ZMYND8: variants seen among roughly 807,000 people sequenced by gnomAD.
The protein encoded by ZMYND8 is zinc finger MYND-type containing 8.
ZMYND8 carries 37 observed loss-of-function variants against 140.8 expected under a neutral mutation model. That is an observed-to-expected ratio of 0.26 (90% CI 0.20 to 0.35). ZMYND8 has a LOEUF of 0.35. ZMYND8 is among the 10% of genes least tolerant of loss of function. The probability of loss-of-function intolerance (pLI) is 1.00; values close to 1 mark genes in which losing one functional copy is unlikely to be tolerated. For synonymous variants in ZMYND8, 592 were observed against 597.1 expected (o/e 0.99, Z 0.12); for missense variants, 1,068 against 1,570.0 (o/e 0.68, Z 5.40).
At chr20:47,257,145 T>G (rs922441156) in intron 12 of ZMYND8, among the ~76,000 whole-genome samples, 1 of 152,124 alleles carries the variant, frequency 6.6e-6, no homozygotes, top group African/African-American at 2.4e-5. Flanking sequence ...CCTTGTTTTT[T>G]AGTGAGGAGA....
In ZMYND8 at chr20:47,271,791, C is replaced by A. The variant is rs965653118; in HGVS notation, c.1480+4523G>T. ...CCACCTCCCGGGTTCAAGTGATTCT[C>A]CTGCCTCAGCCTCCTGTGTAGTTGG... On this transcript the variant is annotated intron_variant, in intron 11 of 22. Coordinates refer to ENST00000471951, the MANE Select transcript of ZMYND8 (RefSeq NM_001281775.3). Among the ~76,000 whole-genome samples, 8 of 152,234 alleles carry A rather than the reference C, an allele frequency of 5.3e-5. No homozygotes were observed. The East Asian group carries it at 1.6e-3, about 30-fold the overall frequency.
In ZMYND8 at chr20:47,209,312, G is replaced by A. The variant is rs937409587; in HGVS notation, c.*1449C>T. On this transcript the variant is annotated 3_prime_UTR_variant, in exon 23 of 23. Transcript: ENST00000471951. ...GGGCAAACCCAAAAAAGCATATAGTGTGAGTCTACTGGCTCAGTCACAAAG... is the reference window on the plus strand; with the variant it reads ...GGGCAAACCCAAAAAAGCATATAGTATGAGTCTACTGGCTCAGTCACAAAG... 5 of 152,152 alleles carry A rather than the reference G, an allele frequency of 3.3e-5. No homozygotes were observed. The highest frequency in any genetic ancestry group is 1.2e-4 in the African/African-American group (5 of 41,428). The allele number at this position is 152,152 out of a possible 1,614,324, so 9.4% of individuals were successfully genotyped here.
intron 2 of ZMYND8, among the ~76,000 whole-genome samples, chr20:47,316,937 T>C (rs1222357320): frequency 6.6e-6 from 1 of 152,150 alleles, no homozygotes; most frequent in Non-Finnish European, 1.5e-5. Flanking sequence ...TGCTGGGATT[T>C]GAACCCAGGC....
chr20:47,292,410 T>C (rs2077320670), intron 5 of ZMYND8, among the ~76,000 whole-genome samples: 1 of 151,656 alleles, frequency 6.6e-6, no homozygotes, highest in Non-Finnish European at 1.5e-5. Context: ...ATAAAAATTA[T>C]ACCATAGCAA....
intron 2 of ZMYND8, among the ~76,000 whole-genome samples, chr20:47,327,433 C>T (rs923752745): frequency 1.3e-5 from 2 of 151,884 alleles, no homozygotes; most frequent in Admixed American, 1.3e-4. Context: ...GCAGGCAGAT[C>T]GTTTGAAGTC....
At chr20:47,346,756 G>A (rs1434042778) in intron 2 of ZMYND8, among the ~76,000 whole-genome samples, 1 of 152,182 alleles carries the variant, frequency 6.6e-6, no homozygotes, top group Non-Finnish European at 1.5e-5. Context: ...ACAGGCGCGT[G>A]CCACCATGCC....
At chr20:47,267,061 A>G (rs978279232) in intron 11 of ZMYND8, among the ~76,000 whole-genome samples, 2 of 152,232 alleles carry the variant, frequency 1.3e-5, no homozygotes. Flanking sequence ...TTACCGAGCC[A>G]TAAAAGGAAT....
intron 16 of ZMYND8, among the ~76,000 whole-genome samples, 170 bp downstream of exon 16, chr20:47,236,155 GT>G (rs1169841516): frequency 6.6e-6 from 1 of 152,146 alleles, no homozygotes; most frequent in Non-Finnish European, 1.5e-5. Context: ...ACATTTCTCT[GT>G]TAGACCCAAA....
At chr20:47,257,692 CACAT>C (rs1325008659) in intron 12 of ZMYND8, among the ~76,000 whole-genome samples, 1 of 152,042 alleles carries the variant, frequency 6.6e-6, no homozygotes, top group Non-Finnish European at 1.5e-5. Context: ...ACCATATACA[CACAT>C]ACATATACTA....
intron 11 of ZMYND8, among the ~76,000 whole-genome samples, chr20:47,272,879 G>A (rs889924447): frequency 5.3e-5 from 8 of 152,102 alleles, no homozygotes; most frequent in Admixed American, 2.0e-4. Context: ...CACGATTTTG[G>A]GTGAACTACT....
In ZMYND8 at chr20:47,246,045, A is replaced by C. The variant is rs750904130; in HGVS notation, c.2247T>G (p.Asn749Lys). The C allele has an allele frequency of 5.0e-6, 8 of 1,605,768 alleles. No homozygotes were observed. The highest frequency in any genetic ancestry group is 2.7e-5 in the African/African-American group (2 of 74,230). ...GAGATGGTTCTTTGGGTTCCTTCTT[A>C]TTTTTTCGACCCTCCCGCCCAGAAT... ...EDHSGREGRK[N>K]KKEPKEPSPK... Residue 749 changes from asparagine to lysine, a missense_variant, in exon 14 of 23, where the codon AAT becomes AAG. Around this residue, in one of 10 missense-constraint regions of ZMYND8, gnomAD observed 383 missense variants for 431.2 expected, o/e 0.89. Transcript: ENST00000471951.
At chr20:47,332,029 C>A (rs188399452) in intron 2 of ZMYND8, among the ~76,000 whole-genome samples, 1 of 152,152 alleles carries the variant, frequency 6.6e-6, no homozygotes, top group Non-Finnish European at 1.5e-5. Flanking sequence ...TGGTGAAACC[C>A]CGTCTCTACT....
At chr20:47,241,371 G>A (rs1043870704) in intron 14 of ZMYND8, among the ~76,000 whole-genome samples, 2 of 150,548 alleles carry the variant, frequency 1.3e-5, no homozygotes, top group African/African-American at 4.9e-5. Context: ...GAACGGGAAA[G>A]ACAATGAATG....
At position 47,291,847 on chromosome 20, in the gene ZMYND8, A is replaced by G. The variant is rs773160768; in HGVS notation, c.609T>C (p.Pro203=). 2.5e-6 allele frequency: 4 copies of G among 1,613,360 alleles called. No individual in the cohort carries two copies. The African/African-American group carries it at 5.3e-5, about 22-fold the overall frequency. Residue 203 remains proline, a synonymous_variant, in exon 6 of 23, where the codon CCT becomes CCC. Transcript: ENST00000471951. Reference sequence around the variant, plus strand: ...GATGGAAGATGTATTCCGCATAGTCAGGGTGCTGTTCCAATGGAACGGGCT... The same window carrying G: ...GATGGAAGATGTATTCCGCATAGTCGGGGTGCTGTTCCAATGGAACGGGCT... ...FQKPVPLEQH[P]DYAEYIFHPM...
At chr20:47,348,666 G>A (rs2082533837) in intron 1 of ZMYND8, 1 of 152,224 alleles carries the variant, frequency 6.6e-6, no homozygotes, top group Admixed American at 6.5e-5. Flanking sequence ...GAGGGTTGGG[G>A]AGAGAAGCAA....
At chr20:47,249,540 TGGGGGA>T in intron 12 of ZMYND8, 101 bp from the exon 13 acceptor site, 1 of 1,483,320 alleles carries the variant, frequency 6.7e-7, no homozygotes, top group Non-Finnish European at 9.1e-7. Flanking sequence ...TTTTAGAACA[TGGGGGA>T]GGGGGAGATA....
chr20:47,321,564 A>C (rs2079954484), intron 2 of ZMYND8, among the ~76,000 whole-genome samples: 1 of 152,244 alleles, frequency 6.6e-6, no homozygotes, highest in Non-Finnish European at 1.5e-5. Context: ...ATGTGTAAAC[A>C]CACCACCCAC....
At chr20:47,276,046 G>A (rs918223802) in intron 11 of ZMYND8, among the ~76,000 whole-genome samples, 3 of 152,126 alleles carry the variant, frequency 2.0e-5, no homozygotes, top group South Asian at 2.1e-4. Flanking sequence ...AAAATGCAGC[G>A]ACATCTGAAC....
chr20:47,245,914 G>C (rs1568976290), intron 14 of ZMYND8, 94 bp downstream of exon 14: 10 of 1,495,658 alleles, frequency 6.7e-6, no homozygotes, highest in Non-Finnish European at 6.3e-6. Flanking sequence ...CTTCTGATTT[G>C]TTTCTTTAAG....
Sources: gnomAD v4.1 joint callset for allele counts (sites outside exome capture counted in the v4.1 genomes callset) on GRCh38, gnomAD v4.1.1 for gene constraint, gnomAD v4.1.1 regional missense constraint, MANE v1.5 for transcripts, NCBI Gene and HGNC (gene_info 2026-07-23, HGNC 2026-07-21) for gene names.